The following STMN3 variants were observed in gnomAD, a reference collection of about 807,000 sequenced individuals.
The protein encoded by STMN3 is stathmin 3, also known as stathmin-3.
STMN3 carries 24 observed loss-of-function variants against 23.2 expected under a neutral mutation model. The observed-to-expected ratio is 1.03, with a 90% CI of 0.75 to 1.45. The LOEUF is 1.45. Ranked by LOEUF, STMN3 falls within the 40% of genes most tolerant of loss-of-function variation. STMN3 has a pLI of 0.00. For synonymous variants in STMN3, 117 were observed against 103.4 expected (o/e 1.13, Z -0.80); for missense variants, 235 against 237.6 (o/e 0.99, Z 0.07).
intron 1 of STMN3, 86 bp from the exon 2 acceptor site, chr20:63,644,395 C>T (rs1430351926): frequency 1.9e-6 from 2 of 1,035,420 alleles, no homozygotes; most frequent in African/African-American, 1.6e-5. Flanking sequence ...CTGCCTCTAT[C>T]ATGTCTCTGT....
intron 1 of STMN3, among the ~76,000 whole-genome samples, chr20:63,645,237 T>A (rs1283789505): frequency 6.6e-6 from 1 of 152,188 alleles, no homozygotes; most frequent in African/African-American, 2.4e-5. Flanking sequence ...ATGCAAACCC[T>A]CTGTGGGCAG....
At chr20:63,644,824 T>C (rs984279659) in intron 1 of STMN3, among the ~76,000 whole-genome samples, 6 of 152,196 alleles carry the variant, frequency 3.9e-5, no homozygotes, top group Non-Finnish European at 5.9e-5. Context: ...GCCACCCGTC[T>C]ATGTACCAGG....
chr20:63,644,687 C>T (rs1343955013), intron 1 of STMN3, among the ~76,000 whole-genome samples: 1 of 152,168 alleles, frequency 6.6e-6, no homozygotes, highest in Non-Finnish European at 1.5e-5. Context: ...CCCCAAGGTG[C>T]CGGTGTGCGG....
intron 1 of STMN3, among the ~76,000 whole-genome samples, chr20:63,648,181 G>C (rs1396337385): frequency 2.0e-5 from 3 of 151,638 alleles, no homozygotes; most frequent in Admixed American, 6.6e-5. Context: ...GGGTGTGCCA[G>C]CCATGTGTTC....
At chr20:63,642,417 C>T (rs1214378457) in intron 3 of STMN3, 118 bp from the exon 4 acceptor site, 4 of 527,980 alleles carry the variant, frequency 7.6e-6, no homozygotes, top group African/African-American at 4.0e-5. Context: ...CCTCCACCTG[C>T]CCAGGCCTCG....
chr20:63,648,990 G>C (rs1018776849), intron 1 of STMN3, among the ~76,000 whole-genome samples: 2 of 152,208 alleles, frequency 1.3e-5, no homozygotes, highest in South Asian at 2.1e-4. Flanking sequence ...GGGGACGCAG[G>C]TCAGACCTCT....
At chr20:63,646,334 A>C (rs906916041) in intron 1 of STMN3, among the ~76,000 whole-genome samples, 1 of 151,758 alleles carries the variant, frequency 6.6e-6, no homozygotes, top group African/African-American at 2.4e-5. Flanking sequence ...CTCACAGGGG[A>C]CTTTGGTCTG....
chr20:63,644,359 T>A, intron 1 of STMN3, 50 bp from the exon 2 acceptor site: 1 of 1,458,240 alleles, frequency 6.9e-7, no homozygotes, highest in Non-Finnish European at 9.5e-7. Context: ...CCTGCCCACC[T>A]GGGCCCCCGT....
At chr20:63,651,712 C>T (rs1260103986) in intron 1 of STMN3, among the ~76,000 whole-genome samples, 1 of 152,238 alleles carries the variant, frequency 6.6e-6, no homozygotes, top group Non-Finnish European at 1.5e-5. Context: ...GTGCCAGCAC[C>T]GTCATCTCTA....
intron 1 of STMN3, among the ~76,000 whole-genome samples, chr20:63,644,671 T>C (rs1285376642): frequency 2.0e-5 from 3 of 152,192 alleles, no homozygotes; most frequent in African/African-American, 7.2e-5. Context: ...TGTGTTGAAA[T>C]CGTAACCCCA....
At chr20:63,643,687 T>TG in intron 3 of STMN3, 69 bp downstream of exon 3, 4 of 1,464,970 alleles carry the variant, frequency 2.7e-6, no homozygotes, top group Non-Finnish European at 3.6e-6. Flanking sequence ...CCCTGCTTCT[T>TG]GCAGGCCCTG....
chr20:63,644,851 G>A (rs2089797238), intron 1 of STMN3, among the ~76,000 whole-genome samples: 1 of 152,192 alleles, frequency 6.6e-6, no homozygotes, highest in African/African-American at 2.4e-5. Flanking sequence ...GACCTCTCCA[G>A]GCACCGACTC....
chr20:63,652,671 C>G lies in STMN3; in HGVS notation c.19+656G>C. The G allele has an allele frequency of 1.0e-6, 1 of 985,724 alleles. No individual in the cohort carries two copies. Among genetic ancestry groups the G allele is most frequent in the Non-Finnish European group, 1.2e-6 (1 of 830,168 alleles). The allele number at this position is 985,724 out of a possible 1,614,324, so 61.1% of individuals were successfully genotyped here. ...TTTGGGGATCGCAGTCGCCCCTCCC[C>G]CATCCAGACCCCGCGGCGCAAAGGG... On this transcript the variant is annotated intron_variant, in intron 1 of 4. Transcript: ENST00000370053. The surrounding 1 kb of genome is among the most constrained non-coding windows in gnomAD (Gnocchi z 5.3).
intron 1 of STMN3, among the ~76,000 whole-genome samples, chr20:63,647,991 T>TACACACAC (rs1555897557): frequency 2.6e-5 from 2 of 75,892 alleles, no homozygotes; most frequent in African/African-American, 4.9e-5. Flanking sequence ...CATATATATA[T>TACACACAC]ACAGAGAGAG....
chr20:63,646,718 C>T lies in STMN3; in HGVS notation c.20-2409G>A, dbSNP rs112296466. 9.6e-4 allele frequency among the ~76,000 whole-genome samples: 146 copies of T among 151,950 alleles called. 1 individual carries two copies. Among genetic ancestry groups the T allele is most frequent in the African/African-American group, 3.5e-3 (143 of 41,346 alleles). On this transcript the variant is annotated intron_variant, in intron 1 of 4. Transcript: ENST00000370053. ...TGCTGGAGTGTAGGGTGCAGCTGTGCGGTTCACTGCAGCCTTGAACTTCTG... is the reference window on the plus strand; with the variant it reads ...TGCTGGAGTGTAGGGTGCAGCTGTGTGGTTCACTGCAGCCTTGAACTTCTG...
chr20:63,647,803 ATATACACGTG>A lies in STMN3; in HGVS notation c.20-3504_20-3495del, dbSNP rs1259220758. Among the ~76,000 whole-genome samples the A allele has an allele frequency of 3.1e-5, 4 of 128,372 alleles. No homozygotes were observed. The East Asian group carries it at 8.0e-4, about 26-fold the overall frequency. The allele number at this position is 128,372 out of a possible 152,430, so 84.2% of individuals were successfully genotyped here. A position where few individuals can be genotyped will look rare whatever the true frequency, so the allele number is the denominator to read the frequency against. On this transcript the variant is annotated intron_variant, in intron 1 of 4. Transcript: ENST00000370053. ...GTATATATATAATATATATACGTAT[ATATACACGTG>A]TATATATAATATATATACGTATATA...
chr20:63,642,666 G>C (rs980544912), intron 3 of STMN3, among the ~76,000 whole-genome samples: 2 of 152,214 alleles, frequency 1.3e-5, no homozygotes, highest in African/African-American at 4.8e-5. Context: ...ACTTGTGGGC[G>C]GTCTCTGAGC....
chr20:63,643,377 G>T (rs2089783760), intron 3 of STMN3, among the ~76,000 whole-genome samples: 1 of 152,126 alleles, frequency 6.6e-6, no homozygotes, highest in African/African-American at 2.4e-5. Flanking sequence ...CACTTCTTGG[G>T]TTCAAGCAAT....
chr20:63,653,136 GCAGCCCAGCGCCCCAC>G (rs2089873740), intron 1 of STMN3, among the ~76,000 whole-genome samples, 175 bp downstream of exon 1: 1 of 151,222 alleles, frequency 6.6e-6, no homozygotes, highest in South Asian at 2.1e-4. Context: ...GCGGCGCCTC[GCAGCCCAGCGCCCCAC>G]CAGCCCCGCC....
Sources: gnomAD v4.1 joint callset for allele counts (sites outside exome capture counted in the v4.1 genomes callset) on GRCh38, gnomAD v4.1.1 for gene constraint, Gnocchi (gnomAD v3.1) non-coding constraint, MANE v1.5 for transcripts, NCBI Gene and HGNC (gene_info 2026-07-23, HGNC 2026-07-21) for gene names.